Variants in LIMK2 observed in about 807,000 individuals in gnomAD.
LIMK2 encodes LIM domain kinase 2.
Under a neutral mutation model 75.7 loss-of-function variants are expected in LIMK2, and 35 were observed. The ratio of observed to expected loss-of-function variants is 0.46; its 90% CI spans 0.35 to 0.61. LIMK2 has a LOEUF of 0.61. LIMK2 is among the 20% of genes least tolerant of loss of function. The probability of loss-of-function intolerance (pLI) is 0.00; values close to 1 mark genes in which losing one functional copy is unlikely to be tolerated. For synonymous variants in LIMK2, 301 were observed against 319.2 expected (o/e 0.94, Z 0.61); for missense variants, 623 against 831.0 (o/e 0.75, Z 3.08).
intron 2 of LIMK2, 112 bp from the exon 3 acceptor site, chr22:31,258,179 T>C (rs1409139425): frequency 2.2e-5 from 26 of 1,173,422 alleles, no homozygotes; most frequent in Non-Finnish European, 2.8e-5. Context: ...CCATCTTGGC[T>C]TTGGATCAAA....
chr22:31,232,323 CTG>C (rs2048536678), intron 2 of LIMK2, among the ~76,000 whole-genome samples: 1 of 151,080 alleles, frequency 6.6e-6, no homozygotes, highest in Non-Finnish European at 1.5e-5. Context: ...GCTAGGCTAA[CTG>C]TGTAACTGTG....
chr22:31,247,179 C>A (rs962690920), intron 2 of LIMK2, among the ~76,000 whole-genome samples: 1 of 152,174 alleles, frequency 6.6e-6, no homozygotes, highest in Non-Finnish European at 1.5e-5. Flanking sequence ...TAAGGGAGAG[C>A]TGATGTCACT....
chr22:31,264,577 T>C (rs2048872898), intron 7 of LIMK2, among the ~76,000 whole-genome samples: 1 of 152,224 alleles, frequency 6.6e-6, no homozygotes, highest in Admixed American at 6.5e-5. Context: ...TTTATCATCT[T>C]AAAATTCAGG....
Position 31,262,819 on chromosome 22 carries a change from T to A in LIMK2, c.854+28T>A. On this transcript the variant is annotated intron_variant, in intron 7 of 15. Coordinates refer to ENST00000331728, the MANE Select transcript of LIMK2 (RefSeq NM_005569.4). This position sits in a 1 kb window ranked among gnomAD's most constrained non-coding sequence, Gnocchi z 5.0. ...GCCACCTCCCACCCTGGCTCTGTTC[T>A]GTCCTATGTCTGTCTCTCGGATGAA... 1 of 1,505,722 alleles carries A rather than the reference T, an allele frequency of 6.6e-7. No individual in the cohort carries two copies. 93.3% of individuals were successfully genotyped at this position (1,505,722 alleles called of 1,614,324 possible).
chr22:31,248,296 C>T (rs2048689642), intron 2 of LIMK2: 3 of 1,163,876 alleles, frequency 2.6e-6, no homozygotes, highest in Admixed American at 3.5e-5. Context: ...CTCGGTTCTG[C>T]GGGAGCCCCT....
intron 2 of LIMK2, among the ~76,000 whole-genome samples, chr22:31,254,967 A>AAAAG (rs1320315023): frequency 1.3e-5 from 2 of 152,032 alleles, no homozygotes; most frequent in African/African-American, 4.8e-5. Context: ...CTCAAAAAAA[A>AAAAG]AAAGAAAAAA....
At chr22:31,246,174 C>T (rs961483495) in intron 2 of LIMK2, among the ~76,000 whole-genome samples, 32 of 126,262 alleles carry the variant, frequency 2.5e-4, no homozygotes, top group East Asian at 9.1e-4. Context: ...CTCCGACACA[C>T]GCACGCACGC....
Position 31,212,350 on chromosome 22 carries a change from A to C in LIMK2, c.-59A>C. 7.6e-7 allele frequency: 1 copy of C among 1,324,142 alleles called. No homozygotes were observed. Among genetic ancestry groups the C allele is most frequent in the Non-Finnish European group, 9.7e-7 (1 of 1,028,162 alleles). The allele number at this position is 1,324,142 out of a possible 1,614,324, so 82.0% of individuals were successfully genotyped here. The stretch of plus-strand genomic sequence containing the variant: ...CAGGAGCTGAGGGGAGTTGTAGGGA[A>C]CTGAGGGGAGCTGCTGTGTCCCCCG... On this transcript the variant is annotated 5_prime_UTR_variant, in exon 1 of 16. Transcript: ENST00000331728.
intron 2 of LIMK2, among the ~76,000 whole-genome samples, chr22:31,240,643 C>G (rs543331329): frequency 6.6e-6 from 1 of 151,962 alleles, no homozygotes; most frequent in Non-Finnish European, 1.5e-5. Flanking sequence ...AGGATGGTCT[C>G]GATCTCCTGA....
At position 31,259,930 on chromosome 22, in the gene LIMK2, A is replaced by G; in HGVS notation, c.404A>G (p.Glu135Gly). 1 of 1,609,862 alleles carries G rather than the reference A, an allele frequency of 6.2e-7. No homozygotes were observed. Residue 135 changes from glutamate (E) to glycine (G), a missense_variant, in exon 5 of 16, where the codon GAG (glutamate) becomes GGG (glycine). This residue lies in a region of LIMK2 where 514 missense variants were observed against 661.3 expected (regional missense o/e 0.78). Transcript: ENST00000331728. The stretch of plus-strand genomic sequence containing the variant: ...GAGGTGGTGCTGGCACCCATGTTTG[A>G]GAGACTCTCCACAGAGTCTGTTCAG... ...HNEVVLAPMF[E>G]RLSTESVQEQ...
chr22:31,267,933 AGGAGCCTT>A, intron 10 of LIMK2, 26 bp downstream of exon 10: 1 of 1,577,636 alleles, frequency 6.3e-7, no homozygotes, highest in South Asian at 1.2e-5. Context: ...CATAGTCTCC[AGGAGCCTT>A]GGTGGGTTGT....
In LIMK2 at chr22:31,237,178, G is replaced by C. The variant is rs1315557234; in HGVS notation, c.116+11359G>C. Among the ~76,000 whole-genome samples the C allele has an allele frequency of 2.1e-5, 3 of 143,978 alleles. No homozygotes were observed. In the South Asian group the frequency reaches 6.8e-4, roughly 33 times the overall value. 94.5% of individuals were successfully genotyped at this position (143,978 alleles called of 152,430 possible). On this transcript the variant is annotated intron_variant, in intron 2 of 15. Coordinates refer to ENST00000331728, the MANE Select transcript of LIMK2 (RefSeq NM_005569.4). ...CAGGAGGCTGAGGCAGGAGAATGGC[G>C]TGAACCCGGGAGGCGGAGCTTGCAG...
intron 12 of LIMK2, among the ~76,000 whole-genome samples, chr22:31,272,214 C>T (rs953689454): frequency 6.6e-6 from 1 of 151,624 alleles, no homozygotes; most frequent in Non-Finnish European, 1.5e-5. Context: ...GCGTGTGCCA[C>T]CACGCCCAGC....
In LIMK2 at chr22:31,272,656, T is replaced by C; in HGVS notation, c.1510T>C (p.Tyr504His). The change falls in exon 13 of 16, where the codon TAC (tyrosine) becomes CAC (histidine). Residue 504 changes from tyrosine (Y) to histidine (H), a missense_variant. Physicochemically the swap from Tyr to His is moderately conservative, Grantham distance 83. Coordinates refer to ENST00000331728, the MANE Select transcript of LIMK2 (RefSeq NM_005569.4). ...TLRKNDRKKRYTVVGNPYWMA... is the reference protein window; with the variant it reads ...TLRKNDRKKRHTVVGNPYWMA... ...GCGCAAGAACGACCGCAAGAAGCGC[T>C]ACACGGTGGTGGGAAACCCCTACTG... is the stretch of plus-strand genomic sequence containing the variant. The C allele has an allele frequency of 6.2e-7, 1 of 1,613,284 alleles. No individual in the cohort carries two copies. The highest frequency in any genetic ancestry group is 8.5e-7 in the Non-Finnish European group (1 of 1,179,786).
At chr22:31,263,909 G>C (rs563902092) in intron 7 of LIMK2, among the ~76,000 whole-genome samples, 2 of 152,244 alleles carry the variant, frequency 1.3e-5, no homozygotes, top group East Asian at 3.9e-4. Flanking sequence ...AGGATTGCCT[G>C]AGCCCAGGAG....
intron 15 of LIMK2, chr22:31,277,132 A>G: frequency 6.2e-7 from 1 of 1,613,630 alleles, no homozygotes. Flanking sequence ...CACACCCCAG[A>G]AGAAGTGAGG....
chr22:31,220,826 G>A (rs559360420), intron 1 of LIMK2, among the ~76,000 whole-genome samples: 17 of 152,180 alleles, frequency 1.1e-4, no homozygotes, highest in African/African-American at 2.7e-4. Flanking sequence ...GCCGGGCGTC[G>A]TGGCGCATGC....
chr22:31,234,488 C>T (rs1020305782), intron 2 of LIMK2, among the ~76,000 whole-genome samples: 10 of 151,022 alleles, frequency 6.6e-5, no homozygotes, highest in Admixed American at 2.0e-4. Context: ...TTTGGGAGGC[C>T]GAGGCAGGCA....
intron 1 of LIMK2, among the ~76,000 whole-genome samples, chr22:31,221,415 C>T (rs542602756): frequency 6.6e-6 from 1 of 151,670 alleles, no homozygotes; most frequent in East Asian, 1.9e-4. Context: ...ATACTTTGGC[C>T]GCCCGCCCTT....
Sources: allele counts gnomAD v4.1 joint callset (sites outside exome capture counted in the v4.1 genomes callset), GRCh38; gene constraint gnomAD v4.1.1; regional missense constraint gnomAD v4.1.1; non-coding constraint Gnocchi (gnomAD v3.1); transcripts MANE v1.5; gene names NCBI Gene and HGNC (gene_info 2026-07-23, HGNC 2026-07-21).